The following CLDN15 variants were observed in gnomAD, a reference collection of about 807,000 sequenced individuals.
CLDN15 encodes the protein claudin 15, also known as claudin-15.
A neutral mutation model predicts 24.5 loss-of-function variants in CLDN15; 9 were observed. That is an observed-to-expected ratio of 0.37 (90% CI 0.22 to 0.64). The LOEUF is 0.64. Among genes scored for constraint, CLDN15 ranks in the 30% least tolerant of loss-of-function variants. The pLI, the probability that CLDN15 is intolerant of heterozygous loss-of-function variation, is 0.63. For synonymous variants in CLDN15, 149 were observed against 131.4 expected, an observed-to-expected ratio of 1.13 and a Z score of -0.92; for missense variants, 248 against 305.9, an observed-to-expected ratio of 0.81 and a Z score of 1.41.
In CLDN15 at chr7:101,237,736, T is replaced by A; in HGVS notation, c.-155A>T. The A allele has an allele frequency of 1.6e-6, 1 of 641,464 alleles. No homozygotes were observed. The highest frequency in any genetic ancestry group is 2.7e-5 in the East Asian group (1 of 36,758). 39.7% of individuals were successfully genotyped at this position (641,464 alleles called of 1,614,324 possible). On this transcript the variant is annotated 5_prime_UTR_variant, in exon 1 of 5. Transcript: ENST00000308344. The surrounding 1 kb of genome is among the most constrained non-coding windows in gnomAD (Gnocchi z 4.0). ...TGCCTGCCTCTTCCTCGGGCTCAGG[T>A]CCGTCTCCACTTTCTGCCTCCCTCC...
chr7:101,237,953 G>A (rs565178153), upstream of CLDN15: 6 of 319,696 alleles, frequency 1.9e-5, no homozygotes, highest in East Asian at 7.3e-5. This position sits in a 1 kb window ranked among gnomAD's most constrained non-coding sequence, Gnocchi z 4.0. Flanking sequence ...AGCCACTGAC[G>A]GATACAGCCA....
chr7:101,233,761 CTAATT>C (rs1798546660), intron 2 of CLDN15: 1 of 162,430 alleles, frequency 6.2e-6, no homozygotes, highest in Non-Finnish European at 1.2e-5. Context: ...CCACGCCTGG[CTAATT>C]TTTTTTTTTT....
chr7:101,234,782 T>C (rs753765004), intron 1 of CLDN15, among the ~76,000 whole-genome samples: 7 of 152,060 alleles, frequency 4.6e-5, no homozygotes, highest in Admixed American at 6.6e-5. Flanking sequence ...CTCCTTCCCC[T>C]GGGCTCCTCC....
At chr7:101,236,252 G>T (rs1470442678) in intron 1 of CLDN15, among the ~76,000 whole-genome samples, 5 of 150,508 alleles carry the variant, frequency 3.3e-5, no homozygotes, top group Middle Eastern at 3.4e-3. Context: ...CTTTTATAGG[G>T]TTTTTTTTGG....
chr7:101,237,999 G>A, upstream of CLDN15: 1 of 269,544 alleles, frequency 3.7e-6, no homozygotes, highest in Non-Finnish European at 7.4e-6. This position sits in a 1 kb window ranked among gnomAD's most constrained non-coding sequence, Gnocchi z 4.0. Context: ...GGGAACTGAG[G>A]GGAAGCGTCT....
chr7:101,237,799 G>A lies in CLDN15; in HGVS notation c.-218C>T, dbSNP rs17135348. ...CTCTCTGCTTCCTGGCAGGTCAGAG[G>A]AATGAGCTAAGCCTGCGCGCGGCAG... On this transcript the variant is annotated 5_prime_UTR_variant, in exon 1 of 5. Transcript: ENST00000308344. This position sits in a 1 kb window ranked among gnomAD's most constrained non-coding sequence, Gnocchi z 4.0. 0.053 allele frequency: 31,268 copies of A among 592,192 alleles called. 980 individuals carry two copies. Among genetic ancestry groups the A allele is most frequent in the East Asian group, 0.072 (2,566 of 35,408 alleles). The allele number at this position is 592,192 out of a possible 1,614,324, so 36.7% of individuals were successfully genotyped here.
intron 2 of CLDN15, among the ~76,000 whole-genome samples, chr7:101,233,370 TG>T (rs536183694): frequency 6.6e-6 from 1 of 152,132 alleles, no homozygotes; most frequent in Non-Finnish European, 1.5e-5. Context: ...CCCTACTCAC[TG>T]GGGGCTTGTC....
intron 1 of CLDN15, chr7:101,236,653 C>T (rs1178078560): frequency 1.7e-5 from 17 of 1,007,178 alleles, no homozygotes; most frequent in Non-Finnish European, 2.0e-5. Context: ...GGGAAGGTGC[C>T]GCAGCCACAG....
chr7:101,232,754 A>G, intron 3 of CLDN15, 34 bp from the exon 4 acceptor site: 5 of 1,583,098 alleles, frequency 3.2e-6, no homozygotes, highest in Non-Finnish European at 4.3e-6. Flanking sequence ...GCGGGGGACA[A>G]GTGAGACGCC....
intron 2 of CLDN15, 130 bp from the exon 3 acceptor site, chr7:101,233,044 T>C (rs1308800379): frequency 1.5e-6 from 1 of 678,440 alleles, no homozygotes; most frequent in Non-Finnish European, 2.7e-6. Flanking sequence ...GCAATTTCAC[T>C]CAATTCCTTT....
chr7:101,232,166 CA>C lies in CLDN15; in HGVS notation c.*243del, dbSNP rs1798510959. On this transcript the variant is annotated 3_prime_UTR_variant, in exon 5 of 5. Transcript: ENST00000308344. ...AAACGTGCGGGGACACCGTCCCCTT[CA>C]CAGCCCAGAACCCAGGGTCAGAAGA... 4 of 504,502 alleles carry C rather than the reference CA, an allele frequency of 7.9e-6. No homozygotes were observed. In the East Asian group the frequency reaches 1.3e-4, roughly 17 times the overall value. 31.3% of individuals were successfully genotyped at this position (504,502 alleles called of 1,614,324 possible).
chr7:101,237,590 G>A lies in CLDN15; in HGVS notation c.-9C>T, dbSNP rs762261215. 2 of 1,608,460 alleles carry A rather than the reference G, an allele frequency of 1.2e-6. No individual in the cohort carries two copies. Among genetic ancestry groups the A allele is most frequent in the Non-Finnish European group, 8.5e-7 (1 of 1,175,002 alleles). On this transcript the variant is annotated 5_prime_UTR_variant, in exon 1 of 5. Coordinates refer to ENST00000308344, the MANE Select transcript of CLDN15 (RefSeq NM_014343.3). This position sits in a 1 kb window ranked among gnomAD's most constrained non-coding sequence, Gnocchi z 4.0. ...TCCACAGCCATCGACATGGTGGGAT[G>A]CAGGACCCTGGGGGGCTGGTGCCCC...
chr7:101,237,106 G>C lies in CLDN15; in HGVS notation c.217+259C>G, dbSNP rs1385842244. ...GTTTCATCATTTGCCCACAGCACAG[G>C]GCTGGGAAAGGGGGTCTGATTCTGG... On this transcript the variant is annotated intron_variant, in intron 1 of 4. Coordinates refer to ENST00000308344, the MANE Select transcript of CLDN15 (RefSeq NM_014343.3). The surrounding 1 kb of genome is among the most constrained non-coding windows in gnomAD (Gnocchi z 4.0). 1.3e-5 allele frequency among the ~76,000 whole-genome samples: 2 copies of C among 152,224 alleles called. No homozygotes were observed. The highest frequency in any genetic ancestry group is 2.9e-5 in the Non-Finnish European group (2 of 68,042).
At chr7:101,232,577 C>T in intron 4 of CLDN15, 27 bp downstream of exon 4, 1 of 1,594,550 alleles carries the variant, frequency 6.3e-7, no homozygotes, top group Non-Finnish European at 8.6e-7. Flanking sequence ...TCCCGCCCGG[C>T]CCCAGCCTGC....
At chr7:101,234,863 C>G (rs1450351117) in intron 1 of CLDN15, among the ~76,000 whole-genome samples, 1 of 152,084 alleles carries the variant, frequency 6.6e-6, no homozygotes, top group Admixed American at 6.6e-5. Context: ...CCCCACTCCT[C>G]CCATGCACCT....
At chr7:101,234,573 C>A in intron 1 of CLDN15, 131 bp from the exon 2 acceptor site, 1 of 629,134 alleles carries the variant, frequency 1.6e-6, no homozygotes, top group Non-Finnish European at 2.8e-6. Flanking sequence ...ATTACAGACA[C>A]GCACCACCAC....
intron 1 of CLDN15, among the ~76,000 whole-genome samples, chr7:101,235,634 G>C (rs1055801770): frequency 1.3e-5 from 2 of 152,190 alleles, no homozygotes; most frequent in African/African-American, 4.8e-5. Flanking sequence ...CATAACTGTT[G>C]GTGCTGAAGG....
rs1270382939 is a variant in CLDN15 at position 101,234,044 on chromosome 7, A to C, written c.382+234T>G. On this transcript the variant is annotated intron_variant, in intron 2 of 4. Coordinates refer to ENST00000308344, the MANE Select transcript of CLDN15 (RefSeq NM_014343.3). ...CACTCTTATCTTCGAAGTCCCTCCC[A>C]CACCTGGCCGTGGCCAGCCCCTACT... 3 of 693,162 alleles carry C rather than the reference A, an allele frequency of 4.3e-6. No homozygotes were observed. The Admixed American group carries it at 6.0e-5, about 14-fold the overall frequency. 42.9% of individuals were successfully genotyped at this position (693,162 alleles called of 1,614,324 possible). A position where few individuals can be genotyped will look rare whatever the true frequency, so the allele number is the denominator to read the frequency against.
At chr7:101,232,804 G>A (rs1258659930) in intron 3 of CLDN15, 29 bp downstream of exon 3, 1 of 1,593,016 alleles carries the variant, frequency 6.3e-7, no homozygotes. Context: ...CTGCCCCGAG[G>A]GCGGGGGGTG....
Sources: gnomAD v4.1 joint callset for allele counts (sites outside exome capture counted in the v4.1 genomes callset) on GRCh38, gnomAD v4.1.1 for gene constraint, Gnocchi (gnomAD v3.1) non-coding constraint, MANE v1.5 for transcripts, NCBI Gene and HGNC (gene_info 2026-07-23, HGNC 2026-07-21) for gene names.